The following RASGEF1C variants were observed in gnomAD, a reference collection of about 807,000 sequenced individuals.
RASGEF1C encodes the protein ras-GEF domain-containing family member 1C.
A neutral mutation model predicts 58.1 loss-of-function variants in RASGEF1C; 27 were observed. That is an observed-to-expected ratio of 0.46 (90% CI 0.34 to 0.64). The LOEUF is 0.64. Among genes scored for constraint, RASGEF1C ranks in the 30% least tolerant of loss-of-function variants. RASGEF1C has a pLI of 0.01. For missense variants in RASGEF1C, 502 were observed against 605.1 expected, an observed-to-expected ratio of 0.83 and a Z score of 1.79; for synonymous variants, 243 against 246.3, an observed-to-expected ratio of 0.99 and a Z score of 0.13.
intron 1 of RASGEF1C, among the ~76,000 whole-genome samples, chr5:180,194,197 G>A (rs1207011989): frequency 1.3e-5 from 2 of 152,116 alleles, no homozygotes; most frequent in African/African-American, 4.8e-5. Context: ...CGAGCTTGGC[G>A]CTCCTCTCTC....
chr5:180,121,766 G>A (rs557055329), intron 6 of RASGEF1C, among the ~76,000 whole-genome samples: 10 of 151,680 alleles, frequency 6.6e-5, no homozygotes, highest in Middle Eastern at 6.8e-3. Context: ...TGTCACTTTC[G>A]TGGTCGTCTG....
At chr5:180,134,821 G>T in intron 4 of RASGEF1C, among the ~76,000 whole-genome samples, 1 of 3,820 alleles carries the variant, frequency 2.6e-4, no homozygotes, top group Admixed American at 2.1e-3. Flanking sequence ...ATCTACCCTT[G>T]CTTCCTCCTT....
chr5:180,101,620 G>C, intron 13 of RASGEF1C, 95 bp from the exon 14 acceptor site: 2 of 1,488,086 alleles, frequency 1.3e-6, no homozygotes, highest in South Asian at 1.2e-5. Flanking sequence ...AGTGCGCTGA[G>C]GAGAGCCAGC....
intron 1 of RASGEF1C, among the ~76,000 whole-genome samples, chr5:180,187,237 C>A (rs1756059571): frequency 1.3e-5 from 2 of 152,036 alleles, no homozygotes; most frequent in Non-Finnish European, 2.9e-5. Context: ...CAAATTGGAC[C>A]CCTACCTCTT....
In RASGEF1C at chr5:180,197,564, C is replaced by T. The variant is rs145389393; in HGVS notation, c.-7+11464G>A. Among the ~76,000 whole-genome samples, 57 of 152,262 alleles carry T rather than the reference C, an allele frequency of 3.7e-4. No individual in the cohort carries two copies. The highest frequency in any genetic ancestry group is 9.1e-4 in the African/African-American group (38 of 41,550). On this transcript the variant is annotated intron_variant, in intron 1 of 13. Transcript: ENST00000361132. This position sits in a 1 kb window ranked among gnomAD's most constrained non-coding sequence, Gnocchi z 4.7. ...CTCAAAAATAGCCCAGACTGTCAAC[C>T]GCACAAACCCCAGACAGCAGGCTGA...
In RASGEF1C at chr5:180,139,732, G is replaced by GA. The variant is rs549229844; in HGVS notation, c.-6-1675dup. On this transcript the variant is annotated intron_variant, in intron 1 of 13. Coordinates refer to ENST00000361132, the MANE Select transcript of RASGEF1C (RefSeq NM_175062.4). The stretch of plus-strand genomic sequence containing the variant: ...GGCGGCTGAGCAGGTGGGCATGCAG[G>GA]AAGCTGCACATGCTCAGTGGGAGGG... Among the ~76,000 whole-genome samples the GA allele has an allele frequency of 2.7e-3, 408 of 152,366 alleles. 1 individual carries two copies. Among genetic ancestry groups the GA allele is most frequent in the Middle Eastern group, 0.01 (3 of 294 alleles).
intron 1 of RASGEF1C, among the ~76,000 whole-genome samples, chr5:180,194,155 T>C (rs530513276): frequency 6.6e-6 from 1 of 152,274 alleles, no homozygotes; most frequent in African/African-American, 2.4e-5. Flanking sequence ...TTCCTCCCTG[T>C]GTGAGCCGGA....
intron 6 of RASGEF1C, among the ~76,000 whole-genome samples, chr5:180,123,316 G>A (rs1014601004): frequency 1.3e-5 from 2 of 152,198 alleles, no homozygotes; most frequent in Non-Finnish European, 2.9e-5. Context: ...ACGGTAACTA[G>A]TAGCTTAGGG....
At chr5:180,173,589 C>T (rs1349040398) in intron 1 of RASGEF1C, among the ~76,000 whole-genome samples, 2 of 152,188 alleles carry the variant, frequency 1.3e-5, no homozygotes, top group African/African-American at 4.8e-5. Context: ...TCATTTCTCC[C>T]CTAAATTTCA....
chr5:180,181,176 T>G (rs555747740), intron 1 of RASGEF1C, among the ~76,000 whole-genome samples: 46 of 152,328 alleles, frequency 3.0e-4, no homozygotes, highest in Non-Finnish European at 5.9e-4. Context: ...CCAGTCCTGC[T>G]GGGCTGCAAT....
At chr5:180,103,338 G>A (rs541132517) in intron 12 of RASGEF1C, among the ~76,000 whole-genome samples, 134 of 152,306 alleles carry the variant, frequency 8.8e-4, no homozygotes, top group Middle Eastern at 3.4e-3. Context: ...CGGCCTCCCA[G>A]AGTGCTGAGA....
At chr5:180,107,913 C>A (rs1765896482) in intron 12 of RASGEF1C, among the ~76,000 whole-genome samples, 1 of 152,232 alleles carries the variant, frequency 6.6e-6, no homozygotes, top group East Asian at 1.9e-4. Flanking sequence ...TGAGCCACTG[C>A]ACTTGGCTTC....
intron 1 of RASGEF1C, among the ~76,000 whole-genome samples, chr5:180,180,154 A>C (rs987674548): frequency 1.9e-4 from 29 of 152,156 alleles, no homozygotes; most frequent in African/African-American, 7.0e-4. Flanking sequence ...ACAAAAAGGC[A>C]GCGGGCACAG....
rs1766068438 is a variant in RASGEF1C at position 180,116,365 on chromosome 5, G to A, written c.1084-1824C>T. On this transcript the variant is annotated intron_variant, in intron 10 of 13. Coordinates refer to ENST00000361132, the MANE Select transcript of RASGEF1C (RefSeq NM_175062.4). ...GGAAGCGTAAAGTGCTACGACCACC[G>A]AGATCTCCCAGCCCCATCAACTCAG... 1.3e-5 allele frequency among the ~76,000 whole-genome samples: 2 copies of A among 152,112 alleles called. 1 individual carries two copies. The highest frequency in any genetic ancestry group is 1.3e-4 in the Admixed American group (2 of 15,268).
intron 1 of RASGEF1C, among the ~76,000 whole-genome samples, chr5:180,167,098 A>G (rs58431216): frequency 0.012 from 1,829 of 152,180 alleles, 34 homozygotes; most frequent in African/African-American, 0.042. Context: ...CTTGAACTGT[A>G]AGTTTATGTC....
At chr5:180,147,145 A>G (rs1051780303) in intron 1 of RASGEF1C, among the ~76,000 whole-genome samples, 6 of 151,952 alleles carry the variant, frequency 3.9e-5, no homozygotes, top group African/African-American at 1.4e-4. Flanking sequence ...TGAATTGGTA[A>G]TAGTATCCCT....
chr5:180,208,075 GC>G (rs957794512), intron 1 of RASGEF1C, among the ~76,000 whole-genome samples: 6 of 152,222 alleles, frequency 3.9e-5, no homozygotes, highest in Admixed American at 1.3e-4. Context: ...GACAACCCTA[GC>G]CCCCCTCCAC....
At chr5:180,120,234 G>C (rs1359696420) in intron 7 of RASGEF1C, among the ~76,000 whole-genome samples, 1 of 152,240 alleles carries the variant, frequency 6.6e-6, no homozygotes, top group Non-Finnish European at 1.5e-5. Context: ...CTTGGCCACA[G>C]AGAGCTGCGC....
At chr5:180,169,645 A>C (rs1003758592) in intron 1 of RASGEF1C, among the ~76,000 whole-genome samples, 1 of 152,006 alleles carries the variant, frequency 6.6e-6, no homozygotes, top group Non-Finnish European at 1.5e-5. Flanking sequence ...TTCCCTATGC[A>C]CAACAAGGAT....
Sources: gnomAD v4.1 joint callset for allele counts (sites outside exome capture counted in the v4.1 genomes callset) on GRCh38, gnomAD v4.1.1 for gene constraint, Gnocchi (gnomAD v3.1) non-coding constraint, MANE v1.5 for transcripts, NCBI Gene and HGNC (gene_info 2026-07-23, HGNC 2026-07-21) for gene names.